Variants in ARHGAP15 observed in about 807,000 individuals in gnomAD.
ARHGAP15 encodes the protein rho GTPase-activating protein 15.
ARHGAP15 carries 51 observed loss-of-function variants against 63.7 expected under a neutral mutation model. That is an observed-to-expected ratio of 0.80 (90% CI 0.64 to 1.01). The LOEUF (loss-of-function observed/expected upper bound fraction) is 1.01, where lower values mean the gene tolerates loss of function less well. Among genes scored for constraint, ARHGAP15 ranks in the 50% least tolerant of loss-of-function variants. ARHGAP15 has a pLI of 0.00. For missense variants in ARHGAP15, 560 were observed against 564.6 expected, an observed-to-expected ratio of 0.99 and a Z score of 0.08; for synonymous variants, 191 against 193.8, an observed-to-expected ratio of 0.99 and a Z score of 0.12.
intron 12 of ARHGAP15, among the ~76,000 whole-genome samples, chr2:143,693,263 G>A (rs1026136442): frequency 6.6e-6 from 1 of 152,150 alleles, no homozygotes; most frequent in Non-Finnish European, 1.5e-5. Flanking sequence ...CTAGACCATT[G>A]AGAAAATCCT....
intron 12 of ARHGAP15, among the ~76,000 whole-genome samples, chr2:143,656,801 G>A (rs1681457679): frequency 6.6e-6 from 1 of 152,170 alleles, no homozygotes; most frequent in African/African-American, 2.4e-5. Context: ...GGCCTCCTGA[G>A]TCAGAGAAAG....
At chr2:143,356,671 T>A (rs1264218776) in intron 6 of ARHGAP15, among the ~76,000 whole-genome samples, 1 of 152,176 alleles carries the variant, frequency 6.6e-6, no homozygotes, top group Non-Finnish European at 1.5e-5. Context: ...ATATACCCTC[T>A]CTGTTTTATA....
At chr2:143,379,483 A>ATG (rs1194698992) in intron 6 of ARHGAP15, among the ~76,000 whole-genome samples, 6 of 50,964 alleles carry the variant, frequency 1.2e-4, no homozygotes, top group African/African-American at 3.4e-4. Flanking sequence ...TTTTAGGCAT[A>ATG]TATATGTGTG....
intron 8 of ARHGAP15, among the ~76,000 whole-genome samples, chr2:143,469,159 T>C (rs567269695): frequency 7.0e-4 from 107 of 152,278 alleles, no homozygotes; most frequent in African/African-American, 2.5e-3. Flanking sequence ...AAACTTCAAA[T>C]ACCCAGGACC....
intron 6 of ARHGAP15, among the ~76,000 whole-genome samples, chr2:143,381,593 A>AT (rs1210599637): frequency 6.6e-6 from 1 of 152,116 alleles, no homozygotes; most frequent in African/African-American, 2.4e-5. Context: ...GCACACTTCC[A>AT]TTTTTACAGC....
chr2:143,212,994 G>T (rs964505936), intron 3 of ARHGAP15, among the ~76,000 whole-genome samples: 1 of 152,178 alleles, frequency 6.6e-6, no homozygotes, highest in Non-Finnish European at 1.5e-5. Context: ...GATGGCCTGA[G>T]TCTGTGAGAT....
chr2:143,715,859 T>C lies in ARHGAP15; in HGVS notation c.1244+12335T>C, dbSNP rs546112370. 4.1e-4 allele frequency among the ~76,000 whole-genome samples: 62 copies of C among 152,338 alleles called. 1 individual carries two copies. In the South Asian group the frequency reaches 5.2e-3, roughly 13 times the overall value. ...CTATGGTTTTTATAGTGTGGGGTTT[T>C]ACATTTAAGTCTTTAATCCATCTTG... On this transcript the variant is annotated intron_variant, in intron 13 of 13. Coordinates refer to ENST00000295095, the MANE Select transcript of ARHGAP15 (RefSeq NM_018460.4).
chr2:143,624,655 G>A (rs544167428), intron 12 of ARHGAP15, among the ~76,000 whole-genome samples: 5 of 152,256 alleles, frequency 3.3e-5, no homozygotes, highest in Admixed American at 2.6e-4. Context: ...GATCCTAAGT[G>A]AATTAAATAT....
intron 8 of ARHGAP15, 48 bp from the exon 9 acceptor site, chr2:143,487,319 AATAATC>A: frequency 2.6e-6 from 4 of 1,567,944 alleles, no homozygotes; most frequent in Non-Finnish European, 3.4e-6. Flanking sequence ...TGCATAAAGT[AATAATC>A]ATAAAGGAGA....
At chr2:143,692,860 A>G (rs961022517) in intron 12 of ARHGAP15, among the ~76,000 whole-genome samples, 1 of 152,172 alleles carries the variant, frequency 6.6e-6, no homozygotes, top group Non-Finnish European at 1.5e-5. Flanking sequence ...CATGGAACCA[A>G]ATGTTGCAAG....
intron 6 of ARHGAP15, among the ~76,000 whole-genome samples, chr2:143,331,869 G>A (rs140278937): frequency 6.6e-6 from 1 of 152,172 alleles, no homozygotes; most frequent in African/African-American, 2.4e-5. Flanking sequence ...CTTATAAGAC[G>A]TAAGCTTCAC....
chr2:143,171,548 G>A (rs1274947706), intron 2 of ARHGAP15, among the ~76,000 whole-genome samples: 1 of 152,054 alleles, frequency 6.6e-6, no homozygotes, highest in African/African-American at 2.4e-5. Flanking sequence ...AATTTTTTAT[G>A]TATACTAACT....
chr2:143,553,069 A>G (rs1406933413), intron 10 of ARHGAP15, among the ~76,000 whole-genome samples: 1 of 152,220 alleles, frequency 6.6e-6, no homozygotes, highest in East Asian at 1.9e-4. Context: ...TTCTTGGAGT[A>G]AAAGGAGGAT....
intron 13 of ARHGAP15, among the ~76,000 whole-genome samples, chr2:143,707,591 G>A (rs1056189603): frequency 1.1e-4 from 16 of 152,244 alleles, no homozygotes; most frequent in East Asian, 7.7e-4. Context: ...AATGTATCTC[G>A]AGAATGCAGA....
At chr2:143,324,928 T>A (rs1476684662) in intron 6 of ARHGAP15, among the ~76,000 whole-genome samples, 3 of 152,198 alleles carry the variant, frequency 2.0e-5, no homozygotes, top group Admixed American at 2.0e-4. Context: ...ATGTATTTTT[T>A]AAAAAACATG....
At chr2:143,711,375 G>A (rs1485086551) in intron 13 of ARHGAP15, among the ~76,000 whole-genome samples, 1 of 152,152 alleles carries the variant, frequency 6.6e-6, no homozygotes, top group Non-Finnish European at 1.5e-5. Flanking sequence ...AAAAATCAAA[G>A]GATGCCCCCC....
intron 6 of ARHGAP15, among the ~76,000 whole-genome samples, chr2:143,376,483 G>A (rs1048885585): frequency 5.3e-5 from 8 of 152,002 alleles, no homozygotes; most frequent in East Asian, 1.9e-4. Context: ...ATCAGGATCC[G>A]GACCAGAAGG....
At chr2:143,364,793 C>A in intron 6 of ARHGAP15, among the ~76,000 whole-genome samples, 1 of 152,100 alleles carries the variant, frequency 6.6e-6, no homozygotes, top group Non-Finnish European at 1.5e-5. Context: ...TTTGGGAGGC[C>A]AAGGCAGGCG....
At chr2:143,377,401 A>G (rs990831403) in intron 6 of ARHGAP15, among the ~76,000 whole-genome samples, 1 of 152,032 alleles carries the variant, frequency 6.6e-6, no homozygotes. Context: ...TTTGTAATAC[A>G]TAATTATTTC....
Sources: gnomAD v4.1 joint callset for allele counts (sites outside exome capture counted in the v4.1 genomes callset) on GRCh38, gnomAD v4.1.1 for gene constraint, MANE v1.5 for transcripts, NCBI Gene and HGNC (gene_info 2026-07-23, HGNC 2026-07-21) for gene names.